Variants in EVI5 observed in about 807,000 individuals in gnomAD.
EVI5 encodes ecotropic viral integration site 5, also known as ecotropic viral integration site 5 protein homolog.
In EVI5, 73 loss-of-function variants were observed where a neutral mutation model predicts 112.0. The observed-to-expected ratio is 0.65, with a 90% CI of 0.54 to 0.79. EVI5 has a LOEUF of 0.79. Among genes scored for constraint, EVI5 ranks in the 30% least tolerant of loss-of-function variants. The pLI is 0.00. For missense variants in EVI5, 900 were observed against 968.8 expected, an observed-to-expected ratio of 0.93 and a Z score of 0.94; for synonymous variants, 305 against 319.9, an observed-to-expected ratio of 0.95 and a Z score of 0.50.
chr1:92,645,071 T>C (rs1297034548), intron 13 of EVI5, among the ~76,000 whole-genome samples: 1 of 152,208 alleles, frequency 6.6e-6, no homozygotes, highest in Non-Finnish European at 1.5e-5. Context: ...ACTTGCTTCA[T>C]CAATTACTGA....
chr1:92,706,341 A>G (rs1671962381), intron 2 of EVI5, among the ~76,000 whole-genome samples: 2 of 152,242 alleles, frequency 1.3e-5, no homozygotes, highest in Admixed American at 6.5e-5. Context: ...TGGAAAAATT[A>G]GTTTACATAG....
chr1:92,751,311 A>C (rs1680164087), intron 1 of EVI5, among the ~76,000 whole-genome samples: 1 of 152,198 alleles, frequency 6.6e-6, no homozygotes. Flanking sequence ...GAGTTAATAA[A>C]TGTCTAATTG....
At chr1:92,583,019 A>G (rs1003617489) in intron 18 of EVI5, among the ~76,000 whole-genome samples, 1 of 152,178 alleles carries the variant, frequency 6.6e-6, no homozygotes, top group Non-Finnish European at 1.5e-5. Flanking sequence ...ATATAAATAC[A>G]ATACATATAC....
intron 1 of EVI5, among the ~76,000 whole-genome samples, chr1:92,754,655 T>C (rs1383634354): frequency 6.6e-6 from 1 of 152,200 alleles, no homozygotes; most frequent in Non-Finnish European, 1.5e-5. Context: ...TGTGGACCTT[T>C]CCATAAGACT....
At chr1:92,586,588 G>GTT (rs11411646) in intron 18 of EVI5, among the ~76,000 whole-genome samples, 4,074 of 108,918 alleles carry the variant, frequency 0.037, 492 homozygotes, top group African/African-American at 0.08. Context: ...ATTAATGTAG[G>GTT]TTTTTTTTTT....
At chr1:92,648,190 CAAAAAAAAAAAAAAAAA>C (rs961901260) in intron 13 of EVI5, among the ~76,000 whole-genome samples, 1 of 24,068 alleles carries the variant, frequency 4.2e-5, no homozygotes, top group East Asian at 1.3e-3. Context: ...ACTAAAAATA[CAAAAAAAAAAAAAAAAA>C]AAAAAAAAAA....
At chr1:92,523,212 A>T (rs904449938) in intron 19 of EVI5, among the ~76,000 whole-genome samples, 13 of 152,008 alleles carry the variant, frequency 8.6e-5, no homozygotes, top group African/African-American at 3.1e-4. Context: ...ATTATGGAAT[A>T]TTTTTTTAAA....
intron 2 of EVI5, among the ~76,000 whole-genome samples, chr1:92,712,912 A>G (rs1673053624): frequency 6.6e-6 from 1 of 151,360 alleles, no homozygotes. Context: ...AATCACTACA[A>G]TTAAAAGCTT....
At chr1:92,653,398 C>T (rs1315646665) in intron 13 of EVI5, among the ~76,000 whole-genome samples, 1 of 152,260 alleles carries the variant, frequency 6.6e-6, no homozygotes, top group Non-Finnish European at 1.5e-5. Context: ...GAGCTCACCA[C>T]CTGTGGACTC....
At position 92,649,434 on chromosome 1, in the gene EVI5, C is replaced by T. The variant is rs574026096; in HGVS notation, c.1393-13098G>A. ...GTGCCTAAGAACCAATATCTAAAACCACTGACAAATCCAAGGTCATGAAGA... is the reference window on the plus strand; with the variant it reads ...GTGCCTAAGAACCAATATCTAAAACTACTGACAAATCCAAGGTCATGAAGA... On this transcript the variant is annotated intron_variant, in intron 13 of 19. Coordinates refer to ENST00000684568, the MANE Select transcript of EVI5 (RefSeq NM_001350197.2). Among the ~76,000 whole-genome samples the T allele has an allele frequency of 7.4e-4, 113 of 152,268 alleles. 2 individuals are homozygous for T. The South Asian group carries it at 0.023, about 31-fold the overall frequency.
At chr1:92,704,768 C>T in intron 2 of EVI5, 24 bp from the exon 3 acceptor site, 1 of 1,249,810 alleles carries the variant, frequency 8.0e-7, no homozygotes, top group South Asian at 1.7e-5. Context: ...AAAAACTGTT[C>T]AAGATCTAAT....
chr1:92,595,559 G>A (rs960678971), intron 18 of EVI5, among the ~76,000 whole-genome samples: 1 of 152,100 alleles, frequency 6.6e-6, no homozygotes, highest in Non-Finnish European at 1.5e-5. Flanking sequence ...AAAACTTAAA[G>A]TATAATAATA....
At chr1:92,666,317 T>G (rs1257088718) in intron 10 of EVI5, among the ~76,000 whole-genome samples, 1 of 151,352 alleles carries the variant, frequency 6.6e-6, no homozygotes, top group Non-Finnish European at 1.5e-5. Context: ...CCAGGAATGG[T>G]GGTGATGAGC....
At chr1:92,609,119 C>T (rs1412623694) in intron 16 of EVI5, among the ~76,000 whole-genome samples, 1 of 152,198 alleles carries the variant, frequency 6.6e-6, no homozygotes, top group Non-Finnish European at 1.5e-5. Flanking sequence ...AGCCAGAATT[C>T]TCTCAACCCG....
chr1:92,736,312 A>C, intron 2 of EVI5, 86 bp downstream of exon 2: 1 of 887,698 alleles, frequency 1.1e-6, no homozygotes, highest in Non-Finnish European at 1.7e-6. Context: ...GAAACCAAAA[A>C]ATAGAAAAAA....
In EVI5 at chr1:92,563,730, T is replaced by C. The variant is rs759090198; in HGVS notation, c.2078A>G (p.Glu693Gly). 7.5e-6 allele frequency: 12 copies of C among 1,601,160 alleles called. No individual in the cohort carries two copies. The East Asian group carries it at 2.7e-4, about 36-fold the overall frequency. The change falls in exon 19 of 20, where the codon GAA (glutamate) becomes GGA (glycine). Residue 693 changes from glutamate (E) to glycine (G), a missense_variant. Transcript: ENST00000684568. The part of the protein sequence containing the change: ...HIAELEIQKE[E>G]GKLQGQLNKS... ...GTTAAGCTGTCCTTGAAGCTTTCCT[T>C]CTTCTTTCTGTTTTGTGACAAAACA...
At chr1:92,573,611 T>C (rs1014439720) in intron 18 of EVI5, among the ~76,000 whole-genome samples, 1 of 151,968 alleles carries the variant, frequency 6.6e-6, no homozygotes, top group African/African-American at 2.4e-5. Context: ...AAAACAAAAA[T>C]AGAGGAAAAC....
chr1:92,519,461 A>G (rs558081839), intron 19 of EVI5, among the ~76,000 whole-genome samples: 2 of 152,326 alleles, frequency 1.3e-5, no homozygotes, highest in East Asian at 1.9e-4. Flanking sequence ...AGAACACACC[A>G]AGCAAATGAA....
At chr1:92,613,719 G>A (rs1652411984) in intron 16 of EVI5, among the ~76,000 whole-genome samples, 1 of 152,104 alleles carries the variant, frequency 6.6e-6, no homozygotes, top group Non-Finnish European at 1.5e-5. Context: ...CTCTCAAGTA[G>A]CTGGGACTAC....
Sources: gnomAD v4.1 joint callset for allele counts (sites outside exome capture counted in the v4.1 genomes callset) on GRCh38, gnomAD v4.1.1 for gene constraint, MANE v1.5 for transcripts, NCBI Gene and HGNC (gene_info 2026-07-23, HGNC 2026-07-21) for gene names.